Variants in PTPRN observed in about 807,000 individuals in gnomAD.
PTPRN encodes receptor-type tyrosine-protein phosphatase-like N.
In PTPRN, 70 loss-of-function variants were observed where a neutral mutation model predicts 108.5. The observed-to-expected ratio is 0.65, with a 90% CI of 0.53 to 0.79. The LOEUF (loss-of-function observed/expected upper bound fraction) is 0.79, where lower values mean the gene tolerates loss of function less well. PTPRN is among the 30% of genes least tolerant of loss of function. The probability of loss-of-function intolerance (pLI) is 0.00; values close to 1 mark genes in which losing one functional copy is unlikely to be tolerated. For synonymous variants in PTPRN, 496 were observed against 524.6 expected (o/e 0.95, Z 0.75); for missense variants, 1,136 against 1,295.5 (o/e 0.88, Z 1.89).
intron 3 of PTPRN, among the ~76,000 whole-genome samples, chr2:219,305,157 A>G (rs1952450743): frequency 6.6e-6 from 1 of 151,150 alleles, no homozygotes; most frequent in South Asian, 2.1e-4. Flanking sequence ...GACACTGAAC[A>G]CTGTTGTTTT....
At chr2:219,300,653 A>G (rs1431439926) in intron 8 of PTPRN, among the ~76,000 whole-genome samples, 5 of 152,324 alleles carry the variant, frequency 3.3e-5, no homozygotes, top group Non-Finnish European at 5.9e-5. Flanking sequence ...GAAGCTCAGG[A>G]AGGGCTCTCT....
Position 219,296,724 on chromosome 2 carries a change from G to C in PTPRN, c.2310+25C>G, listed in dbSNP as rs750468583. 7 of 1,612,382 alleles carry C rather than the reference G, an allele frequency of 4.3e-6. No homozygotes were observed. The South Asian group carries it at 6.6e-5, about 15-fold the overall frequency. On this transcript the variant is annotated intron_variant, in intron 16 of 22. Coordinates refer to ENST00000295718, the MANE Select transcript of PTPRN (RefSeq NM_002846.4). The surrounding 1 kb of genome is among the most constrained non-coding windows in gnomAD (Gnocchi z 6.0). Reference sequence around the variant, plus strand: ...GCCAGGATAATGATGGGGCAGAGGTGGGGGCTGGAGTCAGGGCCACTCACA... The same window carrying C: ...GCCAGGATAATGATGGGGCAGAGGTCGGGGCTGGAGTCAGGGCCACTCACA...
rs35314717 is a variant in PTPRN at position 219,300,164 on chromosome 2, A to C, written c.1257T>G (p.Ser419Arg). 9,396 of 1,613,518 alleles carry C rather than the reference A, an allele frequency of 5.8e-3. 493 individuals are homozygous for C. The African/African-American group carries it at 0.11, about 19-fold the overall frequency. ...PGHPTASPTS[S>R]EVQQVPSPVS... ...CAGGGCTTGGCACCTGCTGGACTTC[A>C]CTGGAGGTAGGGCTGGCAGTGGGGT... Residue 419 changes from serine (S) to arginine (R), a missense_variant, in exon 9 of 23, where the codon AGT becomes AGG. Physicochemically the swap from Ser to Arg is moderately radical, Grantham distance 110 (BLOSUM62 -1). Transcript: ENST00000295718.
At position 219,290,700 on chromosome 2, in the gene PTPRN, G is replaced by T; in HGVS notation, c.2795-89C>A. 1.4e-6 allele frequency: 2 copies of T among 1,480,108 alleles called. No homozygotes were observed. Among genetic ancestry groups the T allele is most frequent in the Non-Finnish European group, 1.9e-6 (2 of 1,072,200 alleles). 91.7% of individuals were successfully genotyped at this position (1,480,108 alleles called of 1,614,324 possible). On this transcript the variant is annotated intron_variant, in intron 21 of 22. Coordinates refer to ENST00000295718, the MANE Select transcript of PTPRN (RefSeq NM_002846.4). The surrounding 1 kb of genome is among the most constrained non-coding windows in gnomAD (Gnocchi z 4.2). ...ACCTGAGGCCTCCTGGAGGCAAAGA[G>T]CCTTGGAGGGCTGGGCAGAGCCTGG... is the stretch of plus-strand genomic sequence containing the variant.
intron 6 of PTPRN, 93 bp from the exon 7 acceptor site, chr2:219,301,812 T>C: frequency 7.1e-7 from 1 of 1,418,034 alleles, no homozygotes; most frequent in Non-Finnish European, 9.5e-7. Context: ...GACTAGCATG[T>C]TAAGAGAGTC....
chr2:219,304,384 CAT>C (rs576442519), intron 3 of PTPRN, among the ~76,000 whole-genome samples: 155 of 152,286 alleles, frequency 1.0e-3, no homozygotes, highest in African/African-American at 3.3e-3. Flanking sequence ...GCATAATCCA[CAT>C]GTTTTAAACA....
Position 219,296,877 on chromosome 2 carries a change from G to A in PTPRN, c.2237-55C>T. 1.2e-6 allele frequency: 2 copies of A among 1,613,342 alleles called. No individual in the cohort carries two copies. Among genetic ancestry groups the A allele is most frequent in the Non-Finnish European group, 1.7e-6 (2 of 1,179,478 alleles). On this transcript the variant is annotated intron_variant, in intron 15 of 22. Coordinates refer to ENST00000295718, the MANE Select transcript of PTPRN (RefSeq NM_002846.4). The surrounding 1 kb of genome is among the most constrained non-coding windows in gnomAD (Gnocchi z 6.0). ...GGCCCTCTGGTCATTGGCATCGCGG[G>A]ACCTCTGCCACTCAGCCTGAGCCAG...
In PTPRN at chr2:219,290,282, C is replaced by T; in HGVS notation, c.2884G>A (p.Ala962Thr). The T allele has an allele frequency of 6.2e-7, 1 of 1,613,586 alleles. No homozygotes were observed. Among genetic ancestry groups the T allele is most frequent in the Non-Finnish European group, 8.5e-7 (1 of 1,179,812 alleles). ...ACTTCCTCCGCCACGGCTGTCAGGG[C>T]AAATTCAAACTGGTCCTGAGGAAGG... ...LVRSKDQFEFALTAVAEEVNA... is the reference protein window; with the variant it reads ...LVRSKDQFEFTLTAVAEEVNA... Residue 962 changes from alanine (A) to threonine (T), a missense_variant, in exon 23 of 23, where the codon GCC becomes ACC. Ala to Thr is a moderately conservative substitution (Grantham distance 58). Transcript: ENST00000295718. The surrounding 1 kb of genome is among the most constrained non-coding windows in gnomAD (Gnocchi z 4.2).
intron 3 of PTPRN, among the ~76,000 whole-genome samples, chr2:219,306,197 T>C (rs766706921): frequency 6.6e-6 from 1 of 151,978 alleles, no homozygotes; most frequent in African/African-American, 2.4e-5. Flanking sequence ...CCAAAAAAAC[T>C]TTGACTCCTC....
rs1479274067 is a variant in PTPRN, at chr2:219,297,891, C to T, written c.1881G>A (p.Glu627=). ...PEGAHGDTTF[E]YQDLCRQHMA... Reference sequence around the variant, plus strand: ...AGCTTCTGGGGCTGCACACCTGGTACTCAAAGGTAGTGTCACCATGGGCCC... The same window carrying T: ...AGCTTCTGGGGCTGCACACCTGGTATTCAAAGGTAGTGTCACCATGGGCCC... The change falls in exon 13 of 23, where the codon GAG becomes GAA. Residue 627 remains glutamate (E), a synonymous_variant. Transcript: ENST00000295718. This position sits in a 1 kb window ranked among gnomAD's most constrained non-coding sequence, Gnocchi z 6.0. 6.2e-7 allele frequency: 1 copy of T among 1,607,996 alleles called. No individual in the cohort carries two copies. Among genetic ancestry groups the T allele is most frequent in the Non-Finnish European group, 8.5e-7 (1 of 1,178,166 alleles).
rs779829092 is a variant in PTPRN at position 219,297,105 on chromosome 2, G to A, written c.2116C>T (p.Arg706Trp). The A allele has an allele frequency of 2.3e-5, 37 of 1,613,996 alleles. No homozygotes were observed. The highest frequency in any genetic ancestry group is 3.1e-5 in the Non-Finnish European group (36 of 1,180,042). ...TGCCACTCCTTGGCAAGGCGGTCCC[G>A]GTTCCGCAGGTGATCCTCCATGTAT... ...LAYMEDHLRN[R>W]DRLAKEWQAL... The change falls in exon 15 of 23, where the codon CGG becomes TGG. Residue 706 changes from arginine (R) to tryptophan (W), a missense_variant. Physicochemically the swap from Arg to Trp is moderately radical, Grantham distance 101. Coordinates refer to ENST00000295718, the MANE Select transcript of PTPRN (RefSeq NM_002846.4). This position sits in a 1 kb window ranked among gnomAD's most constrained non-coding sequence, Gnocchi z 6.0.
In PTPRN at chr2:219,295,986, A is replaced by G. The variant is rs1483839402; in HGVS notation, c.2508+240T>C. On this transcript the variant is annotated intron_variant, in intron 18 of 22. Transcript: ENST00000295718. ...TTGACTCTAGACAGGACACACACACACACACACACACACACACATGTATGT... is the reference window on the plus strand; with the variant it reads ...TTGACTCTAGACAGGACACACACACGCACACACACACACACACATGTATGT... The G allele has an allele frequency of 1.3e-5, 7 of 543,748 alleles. No homozygotes were observed. In the African/African-American group the frequency reaches 1.3e-4, roughly 10 times the overall value. The allele number at this position is 543,748 out of a possible 1,614,324, so 33.7% of individuals were successfully genotyped here. A position where few individuals can be genotyped will look rare whatever the true frequency, so the allele number is the denominator to read the frequency against.
chr2:219,308,812 T>A lies in PTPRN; in HGVS notation c.115+406A>T, dbSNP rs937637417. Reference sequence around the variant, plus strand: ...CTATGTCTGCGGCCCAGGCTTCCACTGCCCAGAGATCACCGTTCCCTCATT... The same window carrying A: ...CTATGTCTGCGGCCCAGGCTTCCACAGCCCAGAGATCACCGTTCCCTCATT... On this transcript the variant is annotated intron_variant, in intron 1 of 22. Transcript: ENST00000295718. The A allele has an allele frequency of 6.2e-6, 8 of 1,290,280 alleles. No individual in the cohort carries two copies. The Admixed American group carries it at 1.4e-4, about 23-fold the overall frequency. The allele number at this position is 1,290,280 out of a possible 1,614,324, so 79.9% of individuals were successfully genotyped here.
rs759041042 is a variant in PTPRN, at chr2:219,302,557, A to T, written c.639+19T>A. On this transcript the variant is annotated intron_variant, in intron 5 of 22. Transcript: ENST00000295718. Reference sequence around the variant, plus strand: ...GCTGAGGGACTGCGGTTGGGGTGGGACCAGAGTCAAGGACTTACCTGGTGG... The same window carrying T: ...GCTGAGGGACTGCGGTTGGGGTGGGTCCAGAGTCAAGGACTTACCTGGTGG... The T allele has an allele frequency of 6.2e-7, 1 of 1,613,638 alleles. No homozygotes were observed. Among genetic ancestry groups the T allele is most frequent in the Admixed American group, 1.7e-5 (1 of 59,948 alleles).
chr2:219,309,054 T>G, intron 1 of PTPRN, 164 bp downstream of exon 1: 1 of 1,318,692 alleles, frequency 7.6e-7, no homozygotes, highest in East Asian at 3.7e-5. Flanking sequence ...CCTACGCCCC[T>G]TTCCTCCGAG....
At chr2:219,291,586 A>T in intron 19 of PTPRN, 63 bp from the exon 20 acceptor site, 1 of 1,498,944 alleles carries the variant, frequency 6.7e-7, no homozygotes, top group Non-Finnish European at 9.3e-7. Context: ...GGAAGCTGAA[A>T]CACATGACGT....
In PTPRN at chr2:219,309,364, C is replaced by G. The variant is rs1485341375; in HGVS notation, c.-32G>C. The G allele has an allele frequency of 1.6e-6, 2 of 1,217,036 alleles. No homozygotes were observed. The highest frequency in any genetic ancestry group is 2.2e-6 in the Non-Finnish European group (2 of 914,566). The allele number at this position is 1,217,036 out of a possible 1,614,324, so 75.4% of individuals were successfully genotyped here. On this transcript the variant is annotated 5_prime_UTR_variant, in exon 1 of 23. Coordinates refer to ENST00000295718, the MANE Select transcript of PTPRN (RefSeq NM_002846.4). ...GAGCTCCGGGCGCTCGCTCCCGGGCCGGAGCCGCAGCGACGCTGGCGGGAG... is the reference window on the plus strand; with the variant it reads ...GAGCTCCGGGCGCTCGCTCCCGGGCGGGAGCCGCAGCGACGCTGGCGGGAG...
chr2:219,302,406 G>C lies in PTPRN; in HGVS notation c.725C>G (p.Ala242Gly). The change falls in exon 6 of 23, where the codon GCC (alanine) becomes GGC (glycine). Residue 242 changes from alanine to glycine, a missense_variant. Coordinates refer to ENST00000295718, the MANE Select transcript of PTPRN (RefSeq NM_002846.4). ...CTTGGAGGCAGTTCTGCTGAAGAGGGCAGGGGCTTCAGCCTTGGGCAGGGG... is the reference window on the plus strand; with the variant it reads ...CTTGGAGGCAGTTCTGCTGAAGAGGCCAGGGGCTTCAGCCTTGGGCAGGGG... ...VGPLPKAEAP[A>G]LFSRTASKGI... The C allele has an allele frequency of 1.4e-5, 22 of 1,614,142 alleles. No homozygotes were observed. The highest frequency in any genetic ancestry group is 1.9e-5 in the Non-Finnish European group (22 of 1,179,972).
rs1332049711 is a variant in PTPRN at position 219,297,938 on chromosome 2, G to A, written c.1834C>T (p.Leu612=). 1 of 1,613,276 alleles carries A rather than the reference G, an allele frequency of 6.2e-7. No individual in the cohort carries two copies. Among genetic ancestry groups the A allele is most frequent in the Non-Finnish European group, 8.5e-7 (1 of 1,179,942 alleles). The change falls in exon 13 of 23, where the codon CTG becomes TTG. Residue 612 remains leucine, a synonymous_variant. Coordinates refer to ENST00000295718, the MANE Select transcript of PTPRN (RefSeq NM_002846.4). The surrounding 1 kb of genome is among the most constrained non-coding windows in gnomAD (Gnocchi z 6.0). ...QHARQQDKER[L]AALGPEGAHG... is the part of the protein sequence containing the mutation. ...GCCCCCTCAGGCCCCAGGGCTGCCA[G>A]GCGCTCCTTGTCTTGCTGCCGCGCA...
Sources: allele counts gnomAD v4.1 joint callset (sites outside exome capture counted in the v4.1 genomes callset), GRCh38; gene constraint gnomAD v4.1.1; non-coding constraint Gnocchi (gnomAD v3.1); transcripts MANE v1.5; gene names NCBI Gene and HGNC (gene_info 2026-07-23, HGNC 2026-07-21).